DMGDH: variants seen among roughly 807,000 people sequenced by gnomAD.
DMGDH encodes dimethylglycine dehydrogenase, mitochondrial.
Under a neutral mutation model 95.2 loss-of-function variants are expected in DMGDH, and 76 were observed. That is an observed-to-expected ratio of 0.80 (90% CI 0.66 to 0.97). DMGDH has a LOEUF of 0.97. DMGDH is among the 50% of genes least tolerant of loss of function. DMGDH has a pLI of 0.00. For synonymous variants in DMGDH, 345 were observed against 377.6 expected, an observed-to-expected ratio of 0.91 and a Z score of 1.00; for missense variants, 987 against 1,055.0, an observed-to-expected ratio of 0.94 and a Z score of 0.89.
Position 79,061,266 on chromosome 5 carries a change from CAA to C in DMGDH, c.276+2345_276+2346del, listed in dbSNP as rs386418383. Among the ~76,000 whole-genome samples, 18 of 123,356 alleles carry C rather than the reference CAA, an allele frequency of 1.5e-4. No homozygotes were observed. In the South Asian group the frequency reaches 5.0e-3, roughly 34 times the overall value. 80.9% of individuals were successfully genotyped at this position (123,356 alleles called of 152,430 possible). A position where few individuals can be genotyped will look rare whatever the true frequency, so the allele number is the denominator to read the frequency against. On this transcript the variant is annotated intron_variant, in intron 2 of 15. Coordinates refer to ENST00000255189, the MANE Select transcript of DMGDH (RefSeq NM_013391.3). Reference sequence around the variant, plus strand: ...ACACACACACACACACACACACACACAAACACCTAATATGTTGGATTTCTTCA... The same window carrying C: ...ACACACACACACACACACACACACACACACCTAATATGTTGGATTTCTTCA...
At chr5:79,046,642 C>T (rs1382029077) in intron 5 of DMGDH, among the ~76,000 whole-genome samples, 1 of 152,156 alleles carries the variant, frequency 6.6e-6, no homozygotes, top group Non-Finnish European at 1.5e-5. Context: ...CCAACTCAGC[C>T]TCCCCAAGTA....
intron 2 of DMGDH, among the ~76,000 whole-genome samples, chr5:79,057,267 T>C (rs1208244703): frequency 6.6e-6 from 1 of 152,232 alleles, no homozygotes; most frequent in Non-Finnish European, 1.5e-5. Context: ...TAAGCAATTA[T>C]TTGAAGCAGG....
rs574825825 is a variant in DMGDH at position 79,025,340 on chromosome 5, C to T, written c.2191-1010G>A. On this transcript the variant is annotated intron_variant, in intron 13 of 15. Coordinates refer to ENST00000255189, the MANE Select transcript of DMGDH (RefSeq NM_013391.3). The stretch of plus-strand genomic sequence containing the variant: ...GAGAGTGTGGGGACCGCGCTGTCCT[C>T]CGTTTCTGTCCCTGCGCCTAGCCTC... 2.0e-5 allele frequency among the ~76,000 whole-genome samples: 3 copies of T among 152,248 alleles called. No individual in the cohort carries two copies. The South Asian group carries it at 6.2e-4, about 32-fold the overall frequency.
chr5:79,069,449 C>CT, intron 1 of DMGDH, 71 bp downstream of exon 1: 1 of 946,936 alleles, frequency 1.1e-6, no homozygotes, highest in Non-Finnish European at 1.4e-6. Flanking sequence ...AACCCCTGAG[C>CT]CTGCCTCAGC....
At chr5:79,064,813 G>C (rs879658357) in intron 1 of DMGDH, among the ~76,000 whole-genome samples, 6 of 151,732 alleles carry the variant, frequency 4.0e-5, no homozygotes, top group Admixed American at 1.3e-4. Flanking sequence ...ACAGTGGCTT[G>C]ATCTTGGCTC....
At chr5:79,026,616 G>A in intron 12 of DMGDH, 35 bp from the exon 13 acceptor site, 1 of 1,613,756 alleles carries the variant, frequency 6.2e-7, no homozygotes, top group Non-Finnish European at 8.5e-7. Flanking sequence ...AGCAGGGCAA[G>A]AACAATGATC....
intron 14 of DMGDH, among the ~76,000 whole-genome samples, chr5:79,006,845 AC>A (rs3214906): frequency 7.3e-5 from 7 of 95,266 alleles, no homozygotes; most frequent in East Asian, 4.9e-4. Context: ...CTCACCTGAG[AC>A]CCCCCCAGTC....
At chr5:79,011,826 G>A (rs1271488694) in intron 14 of DMGDH, among the ~76,000 whole-genome samples, 1 of 152,106 alleles carries the variant, frequency 6.6e-6, no homozygotes, top group Non-Finnish European at 1.5e-5. Context: ...AAGGGGGATT[G>A]TGCTAAACCA....
chr5:79,020,607 C>T (rs10514153), intron 14 of DMGDH: 103,414 of 928,934 alleles, frequency 0.11, 6,521 homozygotes, highest in Non-Finnish European at 0.12. Flanking sequence ...AACAGTTATG[C>T]TTTAAATATT....
chr5:79,013,513 C>T (rs1176080385), intron 14 of DMGDH, among the ~76,000 whole-genome samples: 2 of 152,218 alleles, frequency 1.3e-5, no homozygotes, highest in Non-Finnish European at 2.9e-5. Context: ...TCCAAAGCTG[C>T]TTCCACATTT....
At position 79,028,067 on chromosome 5, in the gene DMGDH, C is replaced by T. The variant is rs548336538; in HGVS notation, c.2032+366G>A. On this transcript the variant is annotated intron_variant, in intron 12 of 15. Coordinates refer to ENST00000255189, the MANE Select transcript of DMGDH (RefSeq NM_013391.3). ...GTTGGTCAGGCTTGTCTCGAACTCC[C>T]GACCTCAGGTGATCAGCCCGCCTCA... 1.2e-4 allele frequency among the ~76,000 whole-genome samples: 18 copies of T among 151,842 alleles called. 1 individual carries two copies. The highest frequency in any genetic ancestry group is 6.2e-4 in the South Asian group (3 of 4,802).
intron 1 of DMGDH, among the ~76,000 whole-genome samples, chr5:79,068,332 T>G (rs1220991072): frequency 6.6e-6 from 1 of 152,236 alleles, no homozygotes; most frequent in Non-Finnish European, 1.5e-5. Flanking sequence ...ATTATAAATA[T>G]TTTTGCATTG....
In DMGDH at chr5:79,005,372, C is replaced by G; in HGVS notation, c.2286G>C (p.Gln762His). 6.2e-7 allele frequency: 1 copy of G among 1,614,070 alleles called. No individual in the cohort carries two copies. Among genetic ancestry groups the G allele is most frequent in the Non-Finnish European group, 8.5e-7 (1 of 1,180,000 alleles). ...TTCGTTTCAGCCCCTTGGCTTTAATCTGTTTCAGTGCTTGCTTTCCTATGA... is the reference window on the plus strand; with the variant it reads ...TTCGTTTCAGCCCCTTGGCTTTAATGTGTTTCAGTGCTTGCTTTCCTATGA... Reference protein sequence around the residue: ...ADFIGKQALKQIKAKGLKRRL... With the variant: ...ADFIGKQALKHIKAKGLKRRL... Residue 762 changes from glutamine (Q) to histidine (H), a missense_variant, in exon 15 of 16, where the codon CAG (glutamine) becomes CAC (histidine). Physicochemically the swap from Gln to His is conservative, Grantham distance 24. Transcript: ENST00000255189.
chr5:79,030,769 C>T (rs1754144278), intron 10 of DMGDH, 64 bp downstream of exon 10: 2 of 1,556,284 alleles, frequency 1.3e-6, no homozygotes, highest in Non-Finnish European at 1.8e-6. Context: ...ACTAAAATAA[C>T]ATATGGGATG....
intron 15 of DMGDH, chr5:79,000,428 G>A (rs575099030): frequency 3.2e-6 from 2 of 624,120 alleles, no homozygotes; most frequent in African/African-American, 3.7e-5. Context: ...AAGTTGGAAA[G>A]AACCATTTTC....
At chr5:79,030,647 C>CAAAAAA (rs59687681) in intron 10 of DMGDH, 186 bp downstream of exon 10, 17 of 386,362 alleles carry the variant, frequency 4.4e-5, no homozygotes, top group East Asian at 1.0e-4. Context: ...CTCTGTCTCT[C>CAAAAAA]AAAAAAAAAA....
Position 79,030,015 on chromosome 5 carries a change from CTT to C in DMGDH, c.1701_1702del (p.Ile567MetfsTer13), listed in dbSNP as rs756142928. 6.2e-7 allele frequency: 1 copy of C among 1,613,608 alleles called. No homozygotes were observed. Among genetic ancestry groups the C allele is most frequent in the African/African-American group, 1.3e-5 (1 of 75,018 alleles). ...TCGACCCTTGGGTGTTAACATGTGA[CTT>C]ATATTTGTAAAACCCACCTACATAA... On this transcript the variant is annotated frameshift_variant, in exon 11 of 16. Transcript: ENST00000255189. LOFTEE classifies it high-confidence loss of function.
At chr5:79,050,895 C>T (rs1292077700) in intron 5 of DMGDH, among the ~76,000 whole-genome samples, 1 of 152,018 alleles carries the variant, frequency 6.6e-6, no homozygotes, top group Non-Finnish European at 1.5e-5. Context: ...TGAGAGAGAA[C>T]CCAAATGATC....
At chr5:79,049,320 T>A (rs1189519530) in intron 5 of DMGDH, among the ~76,000 whole-genome samples, 1 of 152,256 alleles carries the variant, frequency 6.6e-6, no homozygotes, top group Non-Finnish European at 1.5e-5. Flanking sequence ...CATATGTTTA[T>A]CCATTTTAGG....
Sources: allele counts gnomAD v4.1 joint callset (sites outside exome capture counted in the v4.1 genomes callset), GRCh38; gene constraint gnomAD v4.1.1; transcripts MANE v1.5; gene names NCBI Gene and HGNC (gene_info 2026-07-23, HGNC 2026-07-21).